CD226: variants seen among roughly 807,000 people sequenced by gnomAD.
CD226 encodes CD226 molecule, also known as CD226 antigen.
A neutral mutation model predicts 34.9 loss-of-function variants in CD226; 24 were observed. The observed-to-expected ratio is 0.69, with a 90% CI of 0.50 to 0.97. The LOEUF (loss-of-function observed/expected upper bound fraction) is 0.97, where lower values mean the gene tolerates loss of function less well. CD226 is among the 50% of genes least tolerant of loss of function. CD226 has a pLI of 0.00. For missense variants in CD226, 397 were observed against 412.7 expected (o/e 0.96, Z 0.33); for synonymous variants, 148 against 147.4 (o/e 1.00, Z -0.03).
chr18:69,922,251 G>C (rs558477789), intron 2 of CD226, among the ~76,000 whole-genome samples: 1 of 152,212 alleles, frequency 6.6e-6, no homozygotes, highest in Admixed American at 6.5e-5. Flanking sequence ...CAAGAAGTAA[G>C]GCCTTGAGTA....
intron 2 of CD226, among the ~76,000 whole-genome samples, chr18:69,930,872 G>C (rs547454860): frequency 1.7e-4 from 26 of 152,286 alleles, no homozygotes; most frequent in African/African-American, 5.8e-4. Context: ...CTTCATGTTA[G>C]ACTTCAGAGA....
At chr18:69,944,793 C>CCTG in intron 2 of CD226, among the ~76,000 whole-genome samples, 1 of 152,328 alleles carries the variant, frequency 6.6e-6, no homozygotes, top group East Asian at 1.9e-4. Flanking sequence ...CAGGTGTCTA[C>CCTG]ATACAACAGC....
chr18:69,862,806 T>G lies in CD226; in HGVS notation c.*1508A>C. ...ACAGGAGAATTTGGATTTGCTTTAT[T>G]TAAGATTATCATGAAGTCCACAACT... On this transcript the variant is annotated 3_prime_UTR_variant, in exon 6 of 6. Transcript: ENST00000582621. The G allele has an allele frequency of 6.6e-6, 1 of 152,222 alleles. No homozygotes were observed. Among genetic ancestry groups the G allele is most frequent in the Non-Finnish European group, 1.5e-5 (1 of 68,020 alleles). 9.4% of individuals were successfully genotyped at this position (152,222 alleles called of 1,614,324 possible).
intron 5 of CD226, among the ~76,000 whole-genome samples, chr18:69,864,965 G>A (rs969091314): frequency 1.3e-5 from 2 of 152,132 alleles, no homozygotes; most frequent in African/African-American, 4.8e-5. Context: ...GTCTTTTGAT[G>A]AGTAATTTAA....
intron 2 of CD226, among the ~76,000 whole-genome samples, chr18:69,898,988 GCTTATA>G (rs1376666570): frequency 6.6e-6 from 1 of 152,146 alleles, no homozygotes; most frequent in African/African-American, 2.4e-5. Context: ...ATGAAAACCA[GCTTATA>G]CTTATATGTA....
chr18:69,950,616 G>A (rs969946262), upstream of CD226, among the ~76,000 whole-genome samples: 2 of 152,234 alleles, frequency 1.3e-5, no homozygotes, highest in African/African-American at 2.4e-5. Flanking sequence ...GTGTGTGAAC[G>A]AGCAGTCCAG....
chr18:69,894,375 G>GAA (rs1985081822), intron 3 of CD226, among the ~76,000 whole-genome samples: 1 of 8,926 alleles, frequency 1.1e-4, no homozygotes, highest in African/African-American at 4.6e-4. Context: ...TGCTCAAGTG[G>GAA]GAGGAAGGAA....
intron 2 of CD226, among the ~76,000 whole-genome samples, chr18:69,943,976 T>TGAC (rs1169645816): frequency 1.6e-4 from 23 of 148,278 alleles, no homozygotes; most frequent in African/African-American, 5.0e-4. Flanking sequence ...TCCAAGTCTT[T>TGAC]TTTTTTTTTT....
intron 2 of CD226, among the ~76,000 whole-genome samples, chr18:69,902,490 T>C (rs2145264777): frequency 6.6e-6 from 1 of 151,834 alleles, no homozygotes; most frequent in South Asian, 2.1e-4. Flanking sequence ...GACATTGCAC[T>C]TGCCTGCCTC....
intron 2 of CD226, among the ~76,000 whole-genome samples, chr18:69,933,259 TA>T (rs2055610583): frequency 6.6e-6 from 1 of 152,230 alleles, no homozygotes; most frequent in Non-Finnish European, 1.5e-5. Context: ...AAAACTTTAC[TA>T]ACAACCAAAT....
upstream of CD226, among the ~76,000 whole-genome samples, chr18:69,950,931 A>G (rs2055847566): frequency 6.6e-6 from 1 of 151,826 alleles, no homozygotes; most frequent in Admixed American, 6.6e-5. Flanking sequence ...CCACAGAGAT[A>G]TTATGACAAA....
chr18:69,949,073 G>A (rs888288799), upstream of CD226, among the ~76,000 whole-genome samples: 27 of 152,112 alleles, frequency 1.8e-4, no homozygotes, highest in Non-Finnish European at 8.8e-5. Context: ...TAGTGGGTGG[G>A]GAAGTGACCG....
At chr18:69,908,422 C>A (rs1444782164) in intron 2 of CD226, among the ~76,000 whole-genome samples, 4 of 152,154 alleles carry the variant, frequency 2.6e-5, no homozygotes, top group Non-Finnish European at 4.4e-5. Context: ...CTTGAGAATT[C>A]ATTTACTACA....
At chr18:69,896,171 C>G (rs1985279860) in intron 2 of CD226, 126 bp from the exon 3 acceptor site, 1 of 1,398,454 alleles carries the variant, frequency 7.2e-7, no homozygotes. Context: ...TGAATGACCT[C>G]TTTATACTAC....
chr18:69,929,206 G>A (rs1314683723), intron 2 of CD226, among the ~76,000 whole-genome samples: 2 of 152,228 alleles, frequency 1.3e-5, no homozygotes, highest in Admixed American at 6.5e-5. Flanking sequence ...ATCCAGATGT[G>A]CATATGAGTG....
chr18:69,957,671 G>A (rs1009799660), upstream of CD226, among the ~76,000 whole-genome samples: 4 of 152,108 alleles, frequency 2.6e-5, no homozygotes, highest in Non-Finnish European at 4.4e-5. Context: ...ATTATGCATC[G>A]CAGGTACAGG....
At chr18:69,880,183 G>C (rs1984132177) in intron 3 of CD226, among the ~76,000 whole-genome samples, 1 of 147,300 alleles carries the variant, frequency 6.8e-6, no homozygotes, top group South Asian at 2.2e-4. Context: ...AGGAATGGAA[G>C]GGAAGGAAAG....
At chr18:69,938,893 C>A (rs2055687877) in intron 2 of CD226, among the ~76,000 whole-genome samples, 1 of 152,192 alleles carries the variant, frequency 6.6e-6, no homozygotes, top group Non-Finnish European at 1.5e-5. Context: ...TGAGATCAGC[C>A]TGGCCAACAT....
At chr18:69,907,765 C>A (rs1209307748) in intron 2 of CD226, among the ~76,000 whole-genome samples, 1 of 152,126 alleles carries the variant, frequency 6.6e-6, no homozygotes, top group East Asian at 1.9e-4. Context: ...ACATAGGATT[C>A]TTCCTTTTTT....
Sources: gnomAD v4.1 joint callset for allele counts (sites outside exome capture counted in the v4.1 genomes callset) on GRCh38, gnomAD v4.1.1 for gene constraint, MANE v1.5 for transcripts, NCBI Gene and HGNC (gene_info 2026-07-23, HGNC 2026-07-21) for gene names.